Variants in PCLO observed in about 807,000 individuals in gnomAD.
PCLO encodes the protein piccolo presynaptic cytomatrix protein.
In PCLO, 82 loss-of-function variants were observed where a neutral mutation model predicts 427.5. That is an observed-to-expected ratio of 0.19 (90% confidence interval 0.16 to 0.23). PCLO has a LOEUF of 0.23. PCLO is among the 10% of genes least tolerant of loss of function. The probability of loss-of-function intolerance (pLI) is 1.00; values close to 1 mark genes in which losing one functional copy is unlikely to be tolerated. For missense variants in PCLO, 6,239 were observed against 6,115.9 expected, an observed-to-expected ratio of 1.02 and a Z score of -0.67; for synonymous variants, 2,357 against 2,155.4, an observed-to-expected ratio of 1.09 and a Z score of -2.59.
chr7:82,876,453 T>TACACACACACAC (rs1491311772), intron 10 of PCLO, among the ~76,000 whole-genome samples: 2 of 60,426 alleles, frequency 3.3e-5, no homozygotes, highest in African/African-American at 2.6e-4. Context: ...CAAAAACAAG[T>TACACACACACAC]ATACACACAC....
Position 82,952,856 on chromosome 7 carries a change from A to G in PCLO, c.8097T>C (p.Pro2699=), listed in dbSNP as rs1795393904. Residue 2699 remains proline (P), a synonymous_variant, in exon 5 of 25, where the codon CCT becomes CCC. Coordinates refer to ENST00000333891, the MANE Select transcript of PCLO (RefSeq NM_033026.6). ...VGLSSISITI[P]PEPLALDNIH... is the part of the protein sequence containing the mutation. The stretch of plus-strand genomic sequence containing the variant: ...TGTTATCTAGAGCAAGAGGCTCTGG[A>G]GGAATTGTTATGGAAATGCTGCTGA... 1 of 1,613,854 alleles carries G rather than the reference A, an allele frequency of 6.2e-7. No homozygotes were observed. Among genetic ancestry groups the G allele is most frequent in the Non-Finnish European group, 8.5e-7 (1 of 1,179,834 alleles).
intron 2 of PCLO, among the ~76,000 whole-genome samples, chr7:83,142,808 A>T (rs1037779826): frequency 1.3e-5 from 2 of 152,068 alleles, no homozygotes; most frequent in Admixed American, 1.3e-4. Context: ...AAAATACAAA[A>T]ATCAGCCCGG....
intron 3 of PCLO, among the ~76,000 whole-genome samples, chr7:83,097,767 A>G (rs1790631122): frequency 6.6e-6 from 1 of 151,616 alleles, no homozygotes; most frequent in Admixed American, 6.6e-5. Context: ...AGAAAACAAA[A>G]CATGCTTAGA....
intron 22 of PCLO, among the ~76,000 whole-genome samples, chr7:82,783,571 G>C (rs1379051057): frequency 6.6e-6 from 1 of 152,104 alleles, no homozygotes; most frequent in East Asian, 1.9e-4. Flanking sequence ...GCAGTGAGCT[G>C]AGATCGCACC....
chr7:83,103,647 A>G (rs117673812), intron 3 of PCLO, among the ~76,000 whole-genome samples: 3,298 of 152,118 alleles, frequency 0.022, 63 homozygotes, highest in Non-Finnish European at 0.029. Context: ...CTTCATTTCA[A>G]TATTGTGTTC....
intron 5 of PCLO, 39 bp from the exon 6 acceptor site, chr7:82,951,529 T>C (rs192887604): frequency 6.6e-6 from 9 of 1,358,708 alleles, no homozygotes; most frequent in Non-Finnish European, 8.1e-6. Context: ...GTTCCCAGAA[T>C]GAATGATGCT....
intron 3 of PCLO, among the ~76,000 whole-genome samples, chr7:83,081,582 A>T (rs1394713197): frequency 6.6e-6 from 1 of 151,928 alleles, no homozygotes; most frequent in Non-Finnish European, 1.5e-5. Flanking sequence ...AAATAGATCC[A>T]ACTGTATACA....
At chr7:83,093,492 A>ATATATATATTTTTTTTTTTTTTTTT in intron 3 of PCLO, among the ~76,000 whole-genome samples, 6 of 59,316 alleles carry the variant, frequency 1.0e-4, no homozygotes, top group East Asian at 1.1e-3. Context: ...ATATATATAT[A>ATATATATATTTTTTTTTTTTTTTTT]TTTTTTTTTT....
chr7:82,916,872 G>A lies in PCLO; in HGVS notation c.11114C>T (p.Thr3705Ile). Residue 3705 changes from threonine (T) to isoleucine (I), a missense_variant and splice_region_variant, in exon 7 of 25, where the codon ACT becomes ATT. By Grantham distance (89) the Thr-to-Ile change is moderately conservative (BLOSUM62 -1). Coordinates refer to ENST00000333891, the MANE Select transcript of PCLO (RefSeq NM_033026.6). ...GGATGTCATGGTTTGAGAACCTTTA[G>A]TCTATAATCAAGTAAACAAAATATA... is the stretch of plus-strand genomic sequence containing the variant. Reference protein sequence around the residue: ...APFQYTEGYTTKGSQTMTSSG... With the variant: ...APFQYTEGYTIKGSQTMTSSG... 2 of 1,606,080 alleles carry A rather than the reference G, an allele frequency of 1.2e-6. No individual in the cohort carries two copies. Among genetic ancestry groups the A allele is most frequent in the Non-Finnish European group, 1.7e-6 (2 of 1,176,302 alleles).
intron 6 of PCLO, among the ~76,000 whole-genome samples, chr7:82,928,981 C>T (rs1338009363): frequency 6.6e-6 from 1 of 152,052 alleles, no homozygotes; most frequent in Non-Finnish European, 1.5e-5. Flanking sequence ...AGAGGATGAA[C>T]TCTTTACGGC....
chr7:82,929,974 C>T (rs1794801794), intron 6 of PCLO, among the ~76,000 whole-genome samples: 1 of 152,144 alleles, frequency 6.6e-6, no homozygotes, highest in African/African-American at 2.4e-5. Context: ...TTGCTTCTAC[C>T]TTCATGCAGC....
At chr7:82,933,844 TC>T (rs1389399385) in intron 6 of PCLO, among the ~76,000 whole-genome samples, 1 of 151,910 alleles carries the variant, frequency 6.6e-6, no homozygotes, top group African/African-American at 2.4e-5. Flanking sequence ...AGGCTGAAAA[TC>T]AGATCCCTCT....
At position 82,914,474 on chromosome 7, in the gene PCLO, T is replaced by C. The variant is rs899540321; in HGVS notation, c.13300+212A>G. The stretch of plus-strand genomic sequence containing the variant: ...AGCAAACAATCAAGAAACAGAACAA[T>C]AAAGGAATAAAGTAAAACTAAATAA... On this transcript the variant is annotated intron_variant, in intron 7 of 24. Coordinates refer to ENST00000333891, the MANE Select transcript of PCLO (RefSeq NM_033026.6). The C allele has an allele frequency of 4.8e-5, 30 of 629,126 alleles. No individual in the cohort carries two copies. The African/African-American group carries it at 5.0e-4, about 10-fold the overall frequency. 39.0% of individuals were successfully genotyped at this position (629,126 alleles called of 1,614,324 possible).
At chr7:83,035,728 A>T (rs1788778031) in intron 3 of PCLO, among the ~76,000 whole-genome samples, 2 of 152,146 alleles carry the variant, frequency 1.3e-5, no homozygotes, top group South Asian at 4.1e-4. Flanking sequence ...GAAAATTATA[A>T]TTCAGAAATA....
At chr7:82,812,856 G>C (rs1791600556) in intron 20 of PCLO, among the ~76,000 whole-genome samples, 1 of 151,014 alleles carries the variant, frequency 6.6e-6, no homozygotes, top group African/African-American at 2.4e-5. Context: ...CTTGCTGTTT[G>C]CTTGCACTAC....
At chr7:82,884,952 A>C (rs1793595802) in intron 9 of PCLO, among the ~76,000 whole-genome samples, 1 of 152,222 alleles carries the variant, frequency 6.6e-6, no homozygotes, top group Admixed American at 6.5e-5. Flanking sequence ...AGGAAGAAAA[A>C]TACTATTCTA....
At chr7:82,917,255 C>A (rs1450522247) in intron 6 of PCLO, among the ~76,000 whole-genome samples, 1 of 152,000 alleles carries the variant, frequency 6.6e-6, no homozygotes, top group Admixed American at 6.6e-5. Context: ...CCGACTTTTG[C>A]CCCCTGGAGT....
At chr7:82,926,712 A>G (rs1228311262) in intron 6 of PCLO, among the ~76,000 whole-genome samples, 1 of 152,206 alleles carries the variant, frequency 6.6e-6, no homozygotes, top group Non-Finnish European at 1.5e-5. Flanking sequence ...GGACAGAAGC[A>G]TTAGAGATGC....
intron 22 of PCLO, 149 bp downstream of exon 22, chr7:82,801,369 C>A (rs543726439): frequency 6.5e-6 from 3 of 462,454 alleles, no homozygotes; most frequent in African/African-American, 4.0e-5. Flanking sequence ...TACAGTCATT[C>A]TCATTTAATA....
Sources: allele counts gnomAD v4.1 joint callset (sites outside exome capture counted in the v4.1 genomes callset), GRCh38; gene constraint gnomAD v4.1.1; transcripts MANE v1.5; gene names NCBI Gene and HGNC (gene_info 2026-07-23, HGNC 2026-07-21).